RIPOR3: variants seen among roughly 807,000 people sequenced by gnomAD.
The protein encoded by RIPOR3 is RIPOR family member 3, also known as family with sequence similarity 65 member C.
Under a neutral mutation model 114.3 loss-of-function variants are expected in RIPOR3, and 95 were observed. That is an observed-to-expected ratio of 0.83 (90% CI 0.70 to 0.99). The LOEUF is 0.99. Among genes scored for constraint, RIPOR3 ranks in the 50% least tolerant of loss-of-function variants. RIPOR3 has a pLI of 0.00. For synonymous variants in RIPOR3, 575 were observed against 543.8 expected, an observed-to-expected ratio of 1.06 and a Z score of -0.80; for missense variants, 1,252 against 1,266.9, an observed-to-expected ratio of 0.99 and a Z score of 0.18.
intron 1 of RIPOR3, among the ~76,000 whole-genome samples, chr20:50,671,781 C>G (rs964702640): frequency 1.4e-5 from 2 of 144,834 alleles, no homozygotes; most frequent in Non-Finnish European, 3.0e-5. Flanking sequence ...AATGGGTGGG[C>G]GAAGGGATGG....
chr20:50,642,244 C>G (rs1316781300), intron 1 of RIPOR3, among the ~76,000 whole-genome samples: 1 of 151,730 alleles, frequency 6.6e-6, no homozygotes, highest in Admixed American at 6.6e-5. Flanking sequence ...TATCTGCCTT[C>G]TTCTTCTTGA....
intron 19 of RIPOR3, among the ~76,000 whole-genome samples, chr20:50,590,467 G>C (rs561323574): frequency 9.1e-4 from 138 of 152,346 alleles, no homozygotes; most frequent in African/African-American, 3.2e-3. Flanking sequence ...GGGCGATGGA[G>C]GGGCCCAGGT....
At chr20:50,650,669 T>C (rs1301263348) in intron 1 of RIPOR3, among the ~76,000 whole-genome samples, 1 of 152,126 alleles carries the variant, frequency 6.6e-6, no homozygotes, top group Non-Finnish European at 1.5e-5. Flanking sequence ...GGATTACAGA[T>C]GTATAATCAG....
chr20:50,682,914 A>G (rs2086904364), intron 1 of RIPOR3, among the ~76,000 whole-genome samples: 1 of 151,856 alleles, frequency 6.6e-6, no homozygotes, highest in African/African-American at 2.4e-5. Context: ...TTTAGTAGAG[A>G]CGGGGTTTCT....
intron 13 of RIPOR3, among the ~76,000 whole-genome samples, chr20:50,598,384 G>T (rs940220021): frequency 6.6e-6 from 1 of 151,858 alleles, no homozygotes. Flanking sequence ...GCTGGCTCTG[G>T]GGCTGGTTCC....
intron 1 of RIPOR3, among the ~76,000 whole-genome samples, chr20:50,642,487 C>T (rs1172394640): frequency 2.0e-5 from 3 of 151,892 alleles, no homozygotes; most frequent in African/African-American, 4.8e-5. Flanking sequence ...TTTCTGGTCT[C>T]TAAGATTAAG....
intron 1 of RIPOR3, among the ~76,000 whole-genome samples, chr20:50,661,256 G>A (rs1304294271): frequency 6.6e-6 from 1 of 150,924 alleles, no homozygotes; most frequent in Non-Finnish European, 1.5e-5. Context: ...AAAAAAAATT[G>A]TAGGGACACA....
Position 50,619,280 on chromosome 20 carries a change from GA to G in RIPOR3, c.269+705del, listed in dbSNP as rs550576851. ...AGAGCAAAACTCCGTCTCAAAAAAA[GA>G]AAAAAAAAAATTAGCCAGGTGTGAT... On this transcript the variant is annotated intron_variant, in intron 3 of 21. Coordinates refer to ENST00000327979, the MANE Select transcript of RIPOR3 (RefSeq NM_001290268.2). Among the ~76,000 whole-genome samples, 1,063 of 143,170 alleles carry G rather than the reference GA, an allele frequency of 7.4e-3. 4 individuals carry two copies. The highest frequency in any genetic ancestry group is 0.013 in the Non-Finnish European group (824 of 65,058). 93.9% of individuals were successfully genotyped at this position (143,170 alleles called of 152,430 possible).
chr20:50,687,944 A>G (rs1174773213), intron 1 of RIPOR3, among the ~76,000 whole-genome samples: 2 of 152,120 alleles, frequency 1.3e-5, no homozygotes, highest in Non-Finnish European at 2.9e-5. Flanking sequence ...GATGTGCAGC[A>G]CACAATTTAC....
At chr20:50,648,918 C>T (rs1489272428) in intron 1 of RIPOR3, among the ~76,000 whole-genome samples, 2 of 152,160 alleles carry the variant, frequency 1.3e-5, no homozygotes, top group East Asian at 3.9e-4. Context: ...GGCCCAGTTC[C>T]TAACAGACCA....
In RIPOR3 at chr20:50,604,660, C is replaced by G. The variant is rs2083635937; in HGVS notation, c.1071G>C (p.Arg357=). The change falls in exon 12 of 22, where the codon CGG becomes CGC. Residue 357 remains arginine (R), a synonymous_variant. Transcript: ENST00000327979. ...GCTCACTCACCAGGTAGTATCTCTCCCGGAAGCTGGGGGTGCTCGGGGGTG... is the reference window on the plus strand; with the variant it reads ...GCTCACTCACCAGGTAGTATCTCTCGCGGAAGCTGGGGGTGCTCGGGGGTG... ...NWTPPSTPSF[R]ERYYLSVLQQ... The G allele has an allele frequency of 6.2e-7, 1 of 1,607,706 alleles. No individual in the cohort carries two copies.
chr20:50,679,161 C>CAGAG (rs1483859070), intron 1 of RIPOR3, among the ~76,000 whole-genome samples: 1 of 103,030 alleles, frequency 9.7e-6, no homozygotes, highest in Non-Finnish European at 1.9e-5. Context: ...CACACACACA[C>CAGAG]ACACAGAGAG....
chr20:50,613,272 AC>A lies in RIPOR3; in HGVS notation c.349-2069del, dbSNP rs1408425881. On this transcript the variant is annotated intron_variant, in intron 4 of 21. Coordinates refer to ENST00000327979, the MANE Select transcript of RIPOR3 (RefSeq NM_001290268.2). Reference sequence around the variant, plus strand: ...AGACCAGCCTGGCCAACATGGTGAAACCCCCTCTCTACTAAATAAAAAATAC... The same window carrying A: ...AGACCAGCCTGGCCAACATGGTGAAACCCCTCTCTACTAAATAAAAAATAC... Among the ~76,000 whole-genome samples the A allele has an allele frequency of 6.6e-5, 10 of 151,994 alleles. No individual in the cohort carries two copies. The East Asian group carries it at 1.9e-3, about 29-fold the overall frequency.
chr20:50,676,768 A>AATT (rs1568961079), intron 1 of RIPOR3, among the ~76,000 whole-genome samples: 1 of 139,886 alleles, frequency 7.1e-6, no homozygotes, highest in Non-Finnish European at 1.5e-5. Context: ...TCCAGATTCT[A>AATT]CTTTTTTTTT....
intron 1 of RIPOR3, among the ~76,000 whole-genome samples, chr20:50,658,716 A>C (rs2085897350): frequency 6.6e-6 from 1 of 152,256 alleles, no homozygotes; most frequent in South Asian, 2.1e-4. Flanking sequence ...AAAAAAAAAA[A>C]TTATAATCAA....
intron 2 of RIPOR3, among the ~76,000 whole-genome samples, chr20:50,621,294 T>C (rs139168260): frequency 1.3e-5 from 2 of 152,332 alleles, no homozygotes; most frequent in Non-Finnish European, 2.9e-5. Context: ...TGGGGCAGCA[T>C]CTGTTGGCTT....
At position 50,592,442 on chromosome 20, in the gene RIPOR3, C is replaced by G. The variant is rs367937593; in HGVS notation, c.2479G>C (p.Ala827Pro). 6.2e-7 allele frequency: 1 copy of G among 1,612,540 alleles called. No homozygotes were observed. Among genetic ancestry groups the G allele is most frequent in the African/African-American group, 1.3e-5 (1 of 74,916 alleles). Residue 827 changes from alanine to proline, a missense_variant, in exon 19 of 22, where the codon GCC becomes CCC. Physicochemically the swap from Ala to Pro is conservative, Grantham distance 27. Coordinates refer to ENST00000327979, the MANE Select transcript of RIPOR3 (RefSeq NM_001290268.2). ...CCGTCCAGCTGGAGCAGCGCCCAGG[C>G]TCTTAAGGTCTGGGGCAGAGGCTGG... ...QLQPLPQTLRAWALLQLDGTP... is the reference protein window; with the variant it reads ...QLQPLPQTLRPWALLQLDGTP...
chr20:50,637,178 T>A (rs760340552), intron 1 of RIPOR3, among the ~76,000 whole-genome samples: 8 of 152,088 alleles, frequency 5.3e-5, no homozygotes, highest in Non-Finnish European at 1.0e-4. Context: ...TTTACCGATG[T>A]CAAGACTAAG....
At chr20:50,607,686 C>T (rs2083772942) in intron 11 of RIPOR3, among the ~76,000 whole-genome samples, 3 of 152,004 alleles carry the variant, frequency 2.0e-5, no homozygotes, top group African/African-American at 4.8e-5. Flanking sequence ...TGCAGGTGGT[C>T]GCTCAACAGA....
Sources: allele counts gnomAD v4.1 joint callset (sites outside exome capture counted in the v4.1 genomes callset), GRCh38; gene constraint gnomAD v4.1.1; transcripts MANE v1.5; gene names NCBI Gene and HGNC (gene_info 2026-07-23, HGNC 2026-07-21).